The following ESRRB variants were observed in gnomAD, a reference collection of about 807,000 sequenced individuals.
ESRRB encodes the protein estrogen related receptor beta, also known as steroid hormone receptor ERR2.
Under a neutral mutation model 46.0 loss-of-function variants are expected in ESRRB, and 16 were observed. The ratio of observed to expected loss-of-function variants is 0.35; its 90% CI spans 0.24 to 0.53. The LOEUF (loss-of-function observed/expected upper bound fraction) is 0.53. Ranked by LOEUF, ESRRB falls within the 20% of genes least tolerant of loss-of-function variation. The probability of loss-of-function intolerance (pLI) is 0.93; values close to 1 mark genes in which losing one functional copy is unlikely to be tolerated. For synonymous variants in ESRRB, 246 were observed against 259.6 expected, an observed-to-expected ratio of 0.95 and a Z score of 0.50; for missense variants, 488 against 607.4, an observed-to-expected ratio of 0.80 and a Z score of 2.07.
At chr14:76,403,784 T>C (rs1398734816) in intron 1 of ESRRB, among the ~76,000 whole-genome samples, 1 of 152,008 alleles carries the variant, frequency 6.6e-6, no homozygotes, top group Non-Finnish European at 1.5e-5. Flanking sequence ...TGGAGTGCAA[T>C]GGCACAATCT....
rs567026114 is a variant in ESRRB, at chr14:76,498,792, C to A, written c.*334C>A. 5 of 621,968 alleles carry A rather than the reference C, an allele frequency of 8.0e-6. No individual in the cohort carries two copies. The highest frequency in any genetic ancestry group is 1.2e-5 in the Non-Finnish European group (4 of 327,562). 38.5% of individuals were successfully genotyped at this position (621,968 alleles called of 1,614,324 possible). ...GGAGCAAGTGCCCTCTCCCCTCCAC[C>A]GAGCCACCAAGAGGCAGCATGTGCA... On this transcript the variant is annotated 3_prime_UTR_variant, in exon 7 of 7. Transcript: ENST00000644823.
At chr14:76,385,887 C>A (rs1404906842) in intron 1 of ESRRB, among the ~76,000 whole-genome samples, 1 of 148,130 alleles carries the variant, frequency 6.8e-6, no homozygotes, top group African/African-American at 2.5e-5. Context: ...TGTGTAGATT[C>A]TCTTTTCAGT....
intron 1 of ESRRB, among the ~76,000 whole-genome samples, chr14:76,320,511 A>G (rs1794399215): frequency 1.3e-5 from 2 of 152,190 alleles, no homozygotes; most frequent in African/African-American, 4.8e-5. Flanking sequence ...TTTCCCCTCC[A>G]GAATTAAGGA....
intron 1 of ESRRB, among the ~76,000 whole-genome samples, chr14:76,336,434 G>A (rs75584872): frequency 6.6e-6 from 1 of 152,346 alleles, no homozygotes; most frequent in African/African-American, 2.4e-5. Context: ...CAGATGGCTG[G>A]TCTTGGATGA....
chr14:76,478,308 T>C (rs1362672817), intron 3 of ESRRB, among the ~76,000 whole-genome samples: 1 of 152,136 alleles, frequency 6.6e-6, no homozygotes, highest in Admixed American at 6.5e-5. Context: ...TCCACCCCTG[T>C]ATTCATCAAG....
intron 1 of ESRRB, among the ~76,000 whole-genome samples, chr14:76,314,738 G>A (rs542622894): frequency 2.7e-5 from 4 of 149,462 alleles, no homozygotes; most frequent in African/African-American, 1.0e-4. Flanking sequence ...GGCCAAGGTC[G>A]AGCAATGTCA....
chr14:76,386,445 G>A (rs1885231428), intron 1 of ESRRB, among the ~76,000 whole-genome samples: 1 of 145,786 alleles, frequency 6.9e-6, no homozygotes, highest in Non-Finnish European at 1.5e-5. Context: ...TTCTAGGTTC[G>A]GTTTTTTAAT....
At chr14:76,492,344 T>C (rs1483159818) in intron 6 of ESRRB, among the ~76,000 whole-genome samples, 1 of 152,070 alleles carries the variant, frequency 6.6e-6, no homozygotes, top group Non-Finnish European at 1.5e-5. Flanking sequence ...TATTTCTATT[T>C]TTTATGGAGA....
intron 3 of ESRRB, among the ~76,000 whole-genome samples, chr14:76,465,487 A>G (rs1036404688): frequency 1.3e-5 from 2 of 152,204 alleles, no homozygotes; most frequent in Non-Finnish European, 2.9e-5. Flanking sequence ...CCACTCAGAC[A>G]TCCAGACTGG....
chr14:76,487,551 C>A (rs1156843845), intron 5 of ESRRB, among the ~76,000 whole-genome samples: 1 of 151,714 alleles, frequency 6.6e-6, no homozygotes, highest in South Asian at 2.1e-4. Flanking sequence ...GATCTAATAC[C>A]CTTTTACATT....
At chr14:76,352,100 T>G (rs1412825745) in intron 1 of ESRRB, among the ~76,000 whole-genome samples, 1 of 151,620 alleles carries the variant, frequency 6.6e-6, no homozygotes, top group Non-Finnish European at 1.5e-5. Context: ...GTTGAATGAA[T>G]GGATAAGTGA....
chr14:76,365,139 A>G (rs1884505542), intron 1 of ESRRB, among the ~76,000 whole-genome samples: 1 of 152,240 alleles, frequency 6.6e-6, no homozygotes, highest in South Asian at 2.1e-4. Flanking sequence ...AAGTGGTCAC[A>G]GAATAACCAG....
chr14:76,373,738 G>T (rs1884677271), upstream of ESRRB, among the ~76,000 whole-genome samples: 1 of 152,226 alleles, frequency 6.6e-6, no homozygotes, highest in Non-Finnish European at 1.5e-5. Flanking sequence ...GGCTGAGAAG[G>T]CCTAGGTCTC....
intron 2 of ESRRB, among the ~76,000 whole-genome samples, chr14:76,440,468 T>G (rs1026923410): frequency 6.6e-6 from 1 of 152,120 alleles, no homozygotes; most frequent in Non-Finnish European, 1.5e-5. Context: ...ATTTTCTCAC[T>G]GTAGAAGACT....
In ESRRB at chr14:76,408,495, G is replaced by T. The variant is rs115617304; in HGVS notation, c.51-30846G>T. ...TCCCAGCTCCTCCGGAGGCTAAGGT[G>T]GTGGGGCGATTGCTTGAGCCTGGGA... On this transcript the variant is annotated intron_variant, in intron 1 of 6. Coordinates refer to ENST00000644823, the MANE Select transcript of ESRRB (RefSeq NM_001379180.1). Among the ~76,000 whole-genome samples, 4 of 151,348 alleles carry T rather than the reference G, an allele frequency of 2.6e-5. No individual in the cohort carries two copies. The East Asian group carries it at 7.8e-4, about 29-fold the overall frequency.
intron 1 of ESRRB, among the ~76,000 whole-genome samples, chr14:76,349,493 C>T (rs1310638399): frequency 1.3e-5 from 2 of 152,162 alleles, no homozygotes; most frequent in East Asian, 1.9e-4. Context: ...GAAGGTGTGG[C>T]CTCCTGCGAG....
chr14:76,402,663 G>C (rs1439222036), intron 1 of ESRRB, among the ~76,000 whole-genome samples: 1 of 152,104 alleles, frequency 6.6e-6, no homozygotes, highest in Non-Finnish European at 1.5e-5. Flanking sequence ...CAAAGTGAAA[G>C]GACTCAAGAG....
chr14:76,448,274 C>G (rs949483015), intron 2 of ESRRB, among the ~76,000 whole-genome samples: 5 of 151,476 alleles, frequency 3.3e-5, no homozygotes, highest in Admixed American at 3.3e-4. Flanking sequence ...TTTTTTTTGT[C>G]TGATACCCCA....
At chr14:76,440,268 C>T (rs1220343888) in intron 2 of ESRRB, among the ~76,000 whole-genome samples, 3 of 151,908 alleles carry the variant, frequency 2.0e-5, no homozygotes, top group African/African-American at 7.3e-5. Context: ...GGAGTTGAGA[C>T]CAGCCTGGAC....
Sources: allele counts gnomAD v4.1 joint callset (sites outside exome capture counted in the v4.1 genomes callset), GRCh38; gene constraint gnomAD v4.1.1; transcripts MANE v1.5; gene names NCBI Gene and HGNC (gene_info 2026-07-23, HGNC 2026-07-21).